The following CNTN4 variants were observed in gnomAD, a reference collection of about 807,000 sequenced individuals.
CNTN4 encodes the protein contactin 4, also known as contactin-4.
In CNTN4, 77 loss-of-function variants were observed where a neutral mutation model predicts 122.5. The observed-to-expected ratio is 0.63, with a 90% confidence interval of 0.52 to 0.76. The LOEUF (loss-of-function observed/expected upper bound fraction) is 0.76, where lower values mean the gene tolerates loss of function less well. Among genes scored for constraint, CNTN4 ranks in the 30% least tolerant of loss-of-function variants. CNTN4 has a pLI of 0.00. For synonymous variants in CNTN4, 512 were observed against 447.0 expected (o/e 1.15, Z -1.83); for missense variants, 1,256 against 1,259.1 (o/e 1.00, Z 0.04).
intron 3 of CNTN4, among the ~76,000 whole-genome samples, chr3:2,479,430 A>G (rs2151566104): frequency 6.6e-6 from 1 of 152,368 alleles, no homozygotes; most frequent in South Asian, 2.1e-4. Flanking sequence ...TGCGCCTTGA[A>G]GGTCACCATA....
chr3:2,662,561 G>A (rs1438659526), intron 4 of CNTN4, among the ~76,000 whole-genome samples: 2 of 152,194 alleles, frequency 1.3e-5, no homozygotes, highest in South Asian at 4.1e-4. Flanking sequence ...AACTGCGAGA[G>A]AGGCTAGGAA....
At chr3:2,611,045 G>A (rs954079821) in intron 4 of CNTN4, among the ~76,000 whole-genome samples, 2 of 151,818 alleles carry the variant, frequency 1.3e-5, no homozygotes, top group African/African-American at 2.4e-5. Flanking sequence ...TGCTTTATAT[G>A]TATTATCTCA....
At chr3:2,111,557 G>C (rs573509054) in intron 2 of CNTN4, among the ~76,000 whole-genome samples, 1 of 152,080 alleles carries the variant, frequency 6.6e-6, no homozygotes, top group Admixed American at 6.6e-5. Context: ...TTTATGTGAT[G>C]TATAGGAAAG....
At chr3:2,707,089 C>G (rs1043535779) in intron 4 of CNTN4, among the ~76,000 whole-genome samples, 5 of 151,784 alleles carry the variant, frequency 3.3e-5, no homozygotes, top group African/African-American at 1.2e-4. Flanking sequence ...CGCTTGAGAC[C>G]AGGAGTTCAG....
intron 4 of CNTN4, among the ~76,000 whole-genome samples, chr3:2,703,369 A>C (rs1181812241): frequency 6.6e-6 from 1 of 152,204 alleles, no homozygotes; most frequent in Non-Finnish European, 1.5e-5. Flanking sequence ...AAAACTACCT[A>C]GCCTTTTAAA....
At chr3:2,557,861 T>C (rs572490037) in intron 3 of CNTN4, among the ~76,000 whole-genome samples, 45 of 152,360 alleles carry the variant, frequency 3.0e-4, no homozygotes, top group African/African-American at 9.6e-4. Flanking sequence ...ATTGACTATA[T>C]TGATTGCATC....
intron 2 of CNTN4, among the ~76,000 whole-genome samples, chr3:2,160,132 C>G (rs2035895179): frequency 6.6e-6 from 1 of 152,092 alleles, no homozygotes; most frequent in South Asian, 2.1e-4. Flanking sequence ...GAACATGTTA[C>G]TAAATTATAA....
At chr3:2,646,232 T>C (rs1438422342) in intron 4 of CNTN4, among the ~76,000 whole-genome samples, 2 of 152,200 alleles carry the variant, frequency 1.3e-5, no homozygotes, top group Non-Finnish European at 2.9e-5. Flanking sequence ...TGGTATCTGG[T>C]CTGTAATAAA....
intron 2 of CNTN4, among the ~76,000 whole-genome samples, chr3:2,232,915 G>A (rs1035271497): frequency 1.3e-5 from 2 of 152,150 alleles, no homozygotes; most frequent in African/African-American, 4.8e-5. Flanking sequence ...GTGGAAAGAA[G>A]AGACAGAGGA....
intron 4 of CNTN4, among the ~76,000 whole-genome samples, chr3:2,707,169 G>A (rs1231936860): frequency 6.6e-6 from 1 of 151,860 alleles, no homozygotes; most frequent in Non-Finnish European, 1.5e-5. Flanking sequence ...AGACGGGCAT[G>A]GTGATGCATG....
At chr3:2,975,198 A>G (rs1454436196) in intron 13 of CNTN4, among the ~76,000 whole-genome samples, 1 of 152,224 alleles carries the variant, frequency 6.6e-6, no homozygotes, top group Non-Finnish European at 1.5e-5. Context: ...CAAACAGAAA[A>G]AAAAAAGAAC....
intron 12 of CNTN4, among the ~76,000 whole-genome samples, chr3:2,918,818 A>T (rs2094396546): frequency 6.6e-6 from 1 of 152,178 alleles, no homozygotes; most frequent in Admixed American, 6.5e-5. Flanking sequence ...TGTCCTGTAC[A>T]CAGGACTGGA....
Position 2,572,915 on chromosome 3 carries a change from A to G in CNTN4, c.55+1357A>G, listed in dbSNP as rs149462757. On this transcript the variant is annotated intron_variant, in intron 4 of 24. Transcript: ENST00000418658. ...CTGACATGTATAGATCACTCATTCT[A>G]TGCTAGGCAATATGCTAAGCACGTG... Among the ~76,000 whole-genome samples, 187 of 152,326 alleles carry G rather than the reference A, an allele frequency of 1.2e-3. 3 individuals are homozygous for G. The highest frequency in any genetic ancestry group is 4.3e-3 in the African/African-American group (180 of 41,566).
chr3:2,728,729 C>T (rs1383304777), intron 4 of CNTN4, among the ~76,000 whole-genome samples: 1 of 152,236 alleles, frequency 6.6e-6, no homozygotes, highest in Non-Finnish European at 1.5e-5. Flanking sequence ...AGGTACAACT[C>T]ATATCTAAAC....
intron 13 of CNTN4, among the ~76,000 whole-genome samples, chr3:2,978,621 A>G (rs1472524366): frequency 6.6e-6 from 1 of 152,220 alleles, no homozygotes; most frequent in Non-Finnish European, 1.5e-5. Context: ...AAGCAAGCTC[A>G]TCTGTGGCTG....
chr3:2,446,083 G>T (rs1226016645), intron 3 of CNTN4, among the ~76,000 whole-genome samples: 2 of 152,104 alleles, frequency 1.3e-5, no homozygotes, highest in African/African-American at 2.4e-5. Flanking sequence ...TTCTGATTTT[G>T]GTAGGATTCT....
intron 3 of CNTN4, among the ~76,000 whole-genome samples, chr3:2,503,845 G>A (rs183780016): frequency 9.9e-5 from 15 of 152,162 alleles, no homozygotes; most frequent in Admixed American, 9.2e-4. Flanking sequence ...GAGCAAAGGA[G>A]GTTACTGGGG....
intron 4 of CNTN4, among the ~76,000 whole-genome samples, chr3:2,603,658 A>C (rs1402858253): frequency 6.6e-6 from 1 of 152,236 alleles, no homozygotes; most frequent in Non-Finnish European, 1.5e-5. Flanking sequence ...CTTGAAAACA[A>C]AGTGAAGTGC....
intron 4 of CNTN4, among the ~76,000 whole-genome samples, chr3:2,712,406 A>G (rs1485077808): frequency 6.6e-6 from 1 of 152,216 alleles, no homozygotes; most frequent in East Asian, 1.9e-4. Context: ...TAGCTAGTAT[A>G]GAGGAGAAAA....
Sources: allele counts gnomAD v4.1 joint callset (sites outside exome capture counted in the v4.1 genomes callset), GRCh38; gene constraint gnomAD v4.1.1; transcripts MANE v1.5; gene names NCBI Gene and HGNC (gene_info 2026-07-23, HGNC 2026-07-21).